Variants in SEMA3A observed in about 807,000 individuals in gnomAD.
SEMA3A encodes the protein semaphorin-3A.
In SEMA3A, 29 loss-of-function variants were observed where a neutral mutation model predicts 97.9. The observed-to-expected ratio is 0.30, with a 90% CI of 0.22 to 0.40. The LOEUF is 0.40. Ranked by LOEUF, SEMA3A falls within the 10% of genes least tolerant of loss-of-function variation. The pLI is 1.00. For synonymous variants in SEMA3A, 321 were observed against 323.7 expected, an observed-to-expected ratio of 0.99 and a Z score of 0.09; for missense variants, 763 against 951.3, an observed-to-expected ratio of 0.80 and a Z score of 2.60.
At chr7:84,364,478 T>G (rs1802799356) in intron 2 of SEMA3A, among the ~76,000 whole-genome samples, 1 of 151,944 alleles carries the variant, frequency 6.6e-6, no homozygotes, top group Non-Finnish European at 1.5e-5. Context: ...TATTTATTTT[T>G]TTAGAATTTA....
chr7:83,978,011 G>T, intron 14 of SEMA3A, among the ~76,000 whole-genome samples: 1 of 151,926 alleles, frequency 6.6e-6, no homozygotes, highest in East Asian at 1.9e-4. Context: ...CACCGTGTTA[G>T]CCAGGATGGT....
In SEMA3A at chr7:84,424,781, AT is replaced by A. The variant is rs1343730951; in HGVS notation, c.-245-52882del. ...ACATATTTAGATATAAATATATAAT[AT>A]TTATATATAAATAATTTATACAAAT... On this transcript the variant is annotated intron_variant, in intron 1 of 3. Transcript: ENST00000424555. Among the ~76,000 whole-genome samples the A allele has an allele frequency of 3.0e-4, 30 of 101,330 alleles. No homozygotes were observed. The East Asian group carries it at 7.1e-3, about 24-fold the overall frequency. The allele number at this position is 101,330 out of a possible 152,430, so 66.5% of individuals were successfully genotyped here. A position where few individuals can be genotyped will look rare whatever the true frequency, so the allele number is the denominator to read the frequency against.
chr7:84,103,908 T>G (rs2115911260), intron 4 of SEMA3A, among the ~76,000 whole-genome samples: 1 of 152,196 alleles, frequency 6.6e-6, no homozygotes, highest in Admixed American at 6.5e-5. Context: ...ATGGAGGCTT[T>G]TATGAATAGA....
At chr7:84,258,319 A>T (rs1319195469) in intron 3 of SEMA3A, among the ~76,000 whole-genome samples, 2 of 152,190 alleles carry the variant, frequency 1.3e-5, no homozygotes, top group East Asian at 3.8e-4. Context: ...CCTTGACCTC[A>T]CTTCCTATGT....
chr7:84,222,038 C>G (rs1798895239), intron 3 of SEMA3A, among the ~76,000 whole-genome samples: 1 of 151,926 alleles, frequency 6.6e-6, no homozygotes. Context: ...ATATGGTTCT[C>G]TACAGTATTA....
intron 4 of SEMA3A, among the ~76,000 whole-genome samples, chr7:84,092,299 A>G (rs1391518235): frequency 6.6e-6 from 1 of 152,146 alleles, no homozygotes; most frequent in Non-Finnish European, 1.5e-5. Context: ...ACAGTGGAGC[A>G]TAGTTTTCTT....
At chr7:84,077,915 G>C (rs551902530) in intron 4 of SEMA3A, among the ~76,000 whole-genome samples, 2 of 152,070 alleles carry the variant, frequency 1.3e-5, no homozygotes, top group South Asian at 4.2e-4. Context: ...ATGCCAGTTG[G>C]GGGGAATGGC....
chr7:84,088,085 C>G lies in SEMA3A; in HGVS notation c.453+22385G>C, dbSNP rs551176033. On this transcript the variant is annotated intron_variant, in intron 4 of 16. Transcript: ENST00000265362. ...TCCCCCAAATATGTAGTTCTGAGGG[C>G]GGGAAACATGTTAAATTTATCTTTT... is the stretch of plus-strand genomic sequence containing the variant. Among the ~76,000 whole-genome samples, 306 of 152,168 alleles carry G rather than the reference C, an allele frequency of 2.0e-3. 4 individuals carry two copies. The highest frequency in any genetic ancestry group is 4.6e-3 in the Admixed American group (70 of 15,268).
In SEMA3A at chr7:84,466,551, A is replaced by C. The variant is rs567385390; in HGVS notation, c.-246+25909T>G. Among the ~76,000 whole-genome samples the C allele has an allele frequency of 6.6e-5, 10 of 152,272 alleles. No individual in the cohort carries two copies. In the South Asian group the frequency reaches 2.1e-3, roughly 32 times the overall value. On this transcript the variant is annotated intron_variant, in intron 1 of 3. Transcript: ENST00000424555. ...GGAAGCAAATTCTAGCAGGCCTATG[A>C]ATTCTCTGCTCTTTCTTAAGTAAGA...
In SEMA3A at chr7:84,011,263, T is replaced by C. The variant is rs773093924; in HGVS notation, c.845A>G (p.Lys282Arg). Residue 282 changes from lysine (K) to arginine (R), a missense_variant, in exon 8 of 17, where the codon AAA becomes AGA. Lys to Arg is a conservative substitution (Grantham distance 26). This residue lies in a region of SEMA3A where 678 missense variants were observed against 881.3 expected (regional missense o/e 0.77). Coordinates refer to ENST00000265362, the MANE Select transcript of SEMA3A (RefSeq NM_006080.3). ...DFGGHRSLVNKWTTFLKARLI... is the reference protein window; with the variant it reads ...DFGGHRSLVNRWTTFLKARLI... The stretch of plus-strand genomic sequence containing the variant: ...ACGAGCTTTGAGGAATGTTGTCCAT[T>C]TATTCACCAGACTTCTGTGCCCTCC... The C allele has an allele frequency of 3.1e-6, 5 of 1,613,980 alleles. No homozygotes were observed. The highest frequency in any genetic ancestry group is 4.2e-6 in the Non-Finnish European group (5 of 1,179,890).
chr7:84,179,803 ATAT>A (rs1797682481), intron 1 of SEMA3A, among the ~76,000 whole-genome samples: 1 of 151,684 alleles, frequency 6.6e-6, no homozygotes, highest in Admixed American at 6.6e-5. Flanking sequence ...CAAGAGTGTA[ATAT>A]TATGAAGACA....
intron 12 of SEMA3A, among the ~76,000 whole-genome samples, chr7:83,995,483 G>C (rs1790175504): frequency 6.6e-6 from 1 of 152,068 alleles, no homozygotes; most frequent in Non-Finnish European, 1.5e-5. Flanking sequence ...TTATTATTTA[G>C]ACCAGGAAAT....
In SEMA3A at chr7:84,332,675, A is replaced by G. The variant is rs1188691525; in HGVS notation, c.-168-25383T>C. On this transcript the variant is annotated intron_variant, in intron 2 of 3. Transcript: ENST00000424555. Reference sequence around the variant, plus strand: ...TAAATTGAAATATATGTGTGTGTATACACACACACACACACACACACACGT... The same window carrying G: ...TAAATTGAAATATATGTGTGTGTATGCACACACACACACACACACACACGT... Among the ~76,000 whole-genome samples, 4 of 37,122 alleles carry G rather than the reference A, an allele frequency of 1.1e-4. No individual in the cohort carries two copies. The East Asian group carries it at 7.3e-3, about 68-fold the overall frequency. 24.4% of individuals were successfully genotyped at this position (37,122 alleles called of 152,430 possible). A position where few individuals can be genotyped will look rare whatever the true frequency, so the allele number is the denominator to read the frequency against.
intron 1 of SEMA3A, among the ~76,000 whole-genome samples, chr7:84,467,159 T>A (rs1212499779): frequency 2.0e-5 from 3 of 152,110 alleles, no homozygotes; most frequent in Non-Finnish European, 4.4e-5. Context: ...TATGCACTTG[T>A]GGAAACTGAG....
chr7:84,296,606 T>C (rs1357662380), intron 3 of SEMA3A, among the ~76,000 whole-genome samples: 1 of 152,150 alleles, frequency 6.6e-6, no homozygotes, highest in East Asian at 1.9e-4. Flanking sequence ...ATTATAAAAC[T>C]GCAATTGATT....
chr7:84,083,809 G>C (rs181389048), intron 4 of SEMA3A, among the ~76,000 whole-genome samples: 28 of 152,040 alleles, frequency 1.8e-4, no homozygotes, highest in Non-Finnish European at 2.2e-4. Context: ...GTTCAGAGAA[G>C]TTAAGTGACT....
chr7:83,977,313 T>C, intron 14 of SEMA3A, 117 bp from the exon 15 acceptor site: 1 of 441,970 alleles, frequency 2.3e-6, no homozygotes, highest in Non-Finnish European at 3.8e-6. Context: ...TCTAGTAACT[T>C]ACAGGAACAG....
At chr7:84,123,826 T>C (rs9969195) in intron 3 of SEMA3A, among the ~76,000 whole-genome samples, 114,997 of 149,682 alleles carry the variant, frequency 0.77, 44,246 homozygotes, top group East Asian at 0.91. Flanking sequence ...TATATATATA[T>C]GAGAGAGAGA....
At chr7:84,185,158 A>G (rs1334850683) in intron 1 of SEMA3A, among the ~76,000 whole-genome samples, 1 of 152,218 alleles carries the variant, frequency 6.6e-6, no homozygotes, top group East Asian at 1.9e-4. Flanking sequence ...CACAACACAC[A>G]CATACTAAAT....
Sources: allele counts gnomAD v4.1 joint callset (sites outside exome capture counted in the v4.1 genomes callset), GRCh38; gene constraint gnomAD v4.1.1; regional missense constraint gnomAD v4.1.1; transcripts MANE v1.5; gene names NCBI Gene and HGNC (gene_info 2026-07-23, HGNC 2026-07-21).